The following SPAG16 variants were observed in gnomAD, a reference collection of about 807,000 sequenced individuals.
The protein encoded by SPAG16 is sperm associated antigen 16.
A neutral mutation model predicts 80.4 loss-of-function variants in SPAG16; 86 were observed. That is an observed-to-expected ratio of 1.07 (90% CI 0.90 to 1.28). The LOEUF (loss-of-function observed/expected upper bound fraction) is 1.28. Ranked by LOEUF, SPAG16 falls within the 50% of genes most tolerant of loss-of-function variation. The pLI is 0.00. For synonymous variants in SPAG16, 294 were observed against 265.9 expected, an observed-to-expected ratio of 1.11 and a Z score of -1.03; for missense variants, 870 against 765.3, an observed-to-expected ratio of 1.14 and a Z score of -1.61.
chr2:213,513,051 CTTT>C (rs2075287620), intron 10 of SPAG16, among the ~76,000 whole-genome samples: 1 of 152,264 alleles, frequency 6.6e-6, no homozygotes, highest in East Asian at 1.9e-4. Context: ...CAGCTAACTC[CTTT>C]TAAAGCTATA....
intron 9 of SPAG16, among the ~76,000 whole-genome samples, chr2:213,410,287 A>G (rs1575518877): frequency 6.6e-6 from 1 of 152,196 alleles, no homozygotes; most frequent in East Asian, 1.9e-4. Context: ...TTTGCCTCAA[A>G]CTACTGCATT....
Position 214,111,277 on chromosome 2 carries a change from G to A in SPAG16, c.1593+3016G>A, listed in dbSNP as rs532413752. Among the ~76,000 whole-genome samples the A allele has an allele frequency of 1.2e-4, 19 of 152,296 alleles. No homozygotes were observed. In the East Asian group the frequency reaches 3.7e-3, roughly 29 times the overall value. ...TTATGGTTTTAGGTCTAACATTGAA[G>A]TCTTTATTCCATCTTGAATTAATTT... is the stretch of plus-strand genomic sequence containing the variant. On this transcript the variant is annotated intron_variant, in intron 14 of 15. Coordinates refer to ENST00000331683, the MANE Select transcript of SPAG16 (RefSeq NM_024532.5).
At chr2:213,937,155 C>A (rs1027602213) in intron 12 of SPAG16, among the ~76,000 whole-genome samples, 1 of 152,014 alleles carries the variant, frequency 6.6e-6, no homozygotes, top group African/African-American at 2.4e-5. Context: ...GTATTTATAA[C>A]ACAAAATGTT....
At chr2:214,299,502 C>T (rs1694396209) in intron 15 of SPAG16, among the ~76,000 whole-genome samples, 1 of 151,996 alleles carries the variant, frequency 6.6e-6, no homozygotes, top group Non-Finnish European at 1.5e-5. Flanking sequence ...CCTGCTTCAG[C>T]CTCAAAAGTG....
intron 10 of SPAG16, among the ~76,000 whole-genome samples, chr2:213,736,706 A>ATTTTTTTTTTTTTTTTTTTTT (rs10631489): frequency 6.9e-6 from 1 of 145,424 alleles, no homozygotes; most frequent in Non-Finnish European, 1.5e-5. Flanking sequence ...TTTTTAAATA[A>ATTTTTTTTTTTTTTTTTTTTT]TTTTTTTTTT....
intron 9 of SPAG16, among the ~76,000 whole-genome samples, chr2:213,410,199 C>T (rs935494279): frequency 6.6e-6 from 1 of 152,214 alleles, no homozygotes; most frequent in Non-Finnish European, 1.5e-5. Flanking sequence ...ATTTAACTCT[C>T]TTTCATCTAT....
chr2:214,082,395 A>G (rs942234178), intron 13 of SPAG16, among the ~76,000 whole-genome samples: 3 of 152,164 alleles, frequency 2.0e-5, no homozygotes, highest in Non-Finnish European at 4.4e-5. Flanking sequence ...TTACTGTCTC[A>G]TGACTTTTGG....
In SPAG16 at chr2:213,803,929, T is replaced by G. The variant is rs149937514; in HGVS notation, c.1071-58556T>G. 9.8e-3 allele frequency among the ~76,000 whole-genome samples: 1,497 copies of G among 152,340 alleles called. 16 individuals carry two copies. The highest frequency in any genetic ancestry group is 0.016 in the Non-Finnish European group (1,059 of 68,030). ...CCTTGAGTCTCTAACTTTTTAGCTT[T>G]GATCCTTTGCATCTCAGAATTAGAA... is the stretch of plus-strand genomic sequence containing the variant. On this transcript the variant is annotated intron_variant, in intron 10 of 15. Coordinates refer to ENST00000331683, the MANE Select transcript of SPAG16 (RefSeq NM_024532.5).
At chr2:213,944,504 GGA>G (rs1339180329) in intron 12 of SPAG16, among the ~76,000 whole-genome samples, 6 of 152,088 alleles carry the variant, frequency 3.9e-5, no homozygotes, top group African/African-American at 1.4e-4. Flanking sequence ...ACGTTCACAG[GGA>G]GAGAGGAATT....
At chr2:213,991,074 A>G (rs770077987) in intron 12 of SPAG16, among the ~76,000 whole-genome samples, 14 of 151,900 alleles carry the variant, frequency 9.2e-5, no homozygotes, top group Non-Finnish European at 2.1e-4. Flanking sequence ...CTACGTAGGT[A>G]TACACGTGCC....
At chr2:213,292,272 T>C (rs1357877456) in intron 1 of SPAG16, among the ~76,000 whole-genome samples, 1 of 152,152 alleles carries the variant, frequency 6.6e-6, no homozygotes, top group Non-Finnish European at 1.5e-5. Flanking sequence ...CTTACAAAAT[T>C]ACTTTCTAGG....
At chr2:214,033,111 G>A (rs2048504946) in intron 13 of SPAG16, among the ~76,000 whole-genome samples, 1 of 152,166 alleles carries the variant, frequency 6.6e-6, no homozygotes. Flanking sequence ...GGTCAAAGCA[G>A]AGGGAACCAA....
chr2:214,195,480 A>G (rs976761779), intron 15 of SPAG16, among the ~76,000 whole-genome samples: 2 of 152,044 alleles, frequency 1.3e-5, no homozygotes, highest in Non-Finnish European at 1.5e-5. Flanking sequence ...TGGGGCTGTA[A>G]TAGAAGTGCA....
chr2:213,823,635 C>T (rs939060008), intron 10 of SPAG16, among the ~76,000 whole-genome samples: 1 of 152,178 alleles, frequency 6.6e-6, no homozygotes, highest in Non-Finnish European at 1.5e-5. Context: ...GCTCAGATTA[C>T]AGGTGTGAGT....
intron 15 of SPAG16, among the ~76,000 whole-genome samples, chr2:214,182,501 A>G (rs533690224): frequency 6.6e-6 from 1 of 152,024 alleles, no homozygotes; most frequent in East Asian, 1.9e-4. Context: ...TAAATGCTAC[A>G]AGATTATAGA....
chr2:213,659,817 C>A (rs544179171), intron 10 of SPAG16, among the ~76,000 whole-genome samples: 12 of 151,942 alleles, frequency 7.9e-5, no homozygotes, highest in Non-Finnish European at 1.5e-4. Flanking sequence ...TATGAAAGAG[C>A]AAAATTAAAC....
At chr2:213,874,123 T>G (rs1354618404) in intron 11 of SPAG16, among the ~76,000 whole-genome samples, 1 of 152,098 alleles carries the variant, frequency 6.6e-6, no homozygotes, top group African/African-American at 2.4e-5. Flanking sequence ...CTTTCAGGAA[T>G]GGAAGCTGCT....
intron 12 of SPAG16, among the ~76,000 whole-genome samples, chr2:213,970,667 A>C (rs949082752): frequency 6.6e-6 from 1 of 152,210 alleles, no homozygotes; most frequent in Non-Finnish European, 1.5e-5. Context: ...TTCTGTAGGC[A>C]TACCTTTTTA....
At chr2:213,718,149 C>CAAAAAAAAA (rs71063769) in intron 10 of SPAG16, among the ~76,000 whole-genome samples, 27 of 92,180 alleles carry the variant, frequency 2.9e-4, no homozygotes, top group Non-Finnish European at 3.7e-4. Context: ...AACAAGTTTA[C>CAAAAAAAAA]AAAAAAAAAA....
Sources: gnomAD v4.1 joint callset for allele counts (sites outside exome capture counted in the v4.1 genomes callset) on GRCh38, gnomAD v4.1.1 for gene constraint, MANE v1.5 for transcripts, NCBI Gene and HGNC (gene_info 2026-07-23, HGNC 2026-07-21) for gene names.